Variants in TNN observed in about 807,000 individuals in gnomAD.
The protein encoded by TNN is tenascin-N.
TNN carries 122 observed loss-of-function variants against 134.4 expected under a neutral mutation model. The observed-to-expected ratio is 0.91, with a 90% CI of 0.78 to 1.06. The LOEUF (loss-of-function observed/expected upper bound fraction) is 1.06, where lower values mean the gene tolerates loss of function less well. Ranked by LOEUF, TNN falls within the 50% of genes least tolerant of loss-of-function variation. TNN has a pLI of 0.00. For missense variants in TNN, 1,739 were observed against 1,699.4 expected (o/e 1.02, Z -0.41); for synonymous variants, 710 against 670.3 (o/e 1.06, Z -0.91).
Position 175,127,025 on chromosome 1 carries a change from C to G in TNN, c.2985C>G (p.Pro995=), listed in dbSNP as rs768741226. 4.3e-6 allele frequency: 7 copies of G among 1,614,158 alleles called. No individual in the cohort carries two copies. The highest frequency in any genetic ancestry group is 5.9e-6 in the Non-Finnish European group (7 of 1,180,014). Residue 995 remains proline (P), a synonymous_variant, in exon 13 of 19, where the codon CCC becomes CCG. Coordinates refer to ENST00000239462, the MANE Select transcript of TNN (RefSeq NM_022093.2). The part of the protein sequence containing the change: ...TQSGGILTWT[P]PSAQIHGYIL... ...CTGGTGGCATATTGACCTGGACGCCCCCCTCTGCTCAGATCCACGGCTACA... is the reference window on the plus strand; with the variant it reads ...CTGGTGGCATATTGACCTGGACGCCGCCCTCTGCTCAGATCCACGGCTACA...
At chr1:175,137,535 C>A (rs76694999) in intron 17 of TNN, among the ~76,000 whole-genome samples, 2,213 of 152,262 alleles carry the variant, frequency 0.015, 40 homozygotes, top group African/African-American at 0.039. Context: ...GTGAAGGAAC[C>A]TTTAGCCTCT....
rs141386115 is a variant in TNN, at chr1:175,128,163, A to G, written c.3177A>G (p.Thr1059=). 3.0e-3 allele frequency: 4,785 copies of G among 1,600,124 alleles called. 11 individuals carry two copies. Among genetic ancestry groups the G allele is most frequent in the Non-Finnish European group, 3.5e-3 (4,140 of 1,173,538 alleles). Residue 1059 remains threonine (T), a splice_region_variant and synonymous_variant, in exon 14 of 19, where the codon ACA becomes ACG. Transcript: ENST00000239462. The stretch of plus-strand genomic sequence containing the variant: ...GAAATGTATCCACCACCCTCTCCAC[A>G]GGTAATATGGAATCCTGTACTCTGA... ...RSRNVSTTLS[T]VGARFPHPSD...
At chr1:175,091,743 C>G (rs1425373164) in intron 6 of TNN, among the ~76,000 whole-genome samples, 3 of 152,060 alleles carry the variant, frequency 2.0e-5, no homozygotes, top group Non-Finnish European at 4.4e-5. Context: ...CATGTACCAC[C>G]CTGCCCGGCT....
chr1:175,125,579 C>T (rs988573040), intron 12 of TNN, among the ~76,000 whole-genome samples: 23 of 149,312 alleles, frequency 1.5e-4, no homozygotes, highest in African/African-American at 5.4e-4. Flanking sequence ...TTCCTTCTCT[C>T]TCTCTCCCTC....
intron 1 of TNN, among the ~76,000 whole-genome samples, chr1:175,069,613 C>T (rs574932674): frequency 6.6e-6 from 1 of 152,302 alleles, no homozygotes; most frequent in East Asian, 1.9e-4. Flanking sequence ...ATTCCAGAGC[C>T]TTGGCTCCTA....
chr1:175,137,645 G>A (rs1010939462), intron 17 of TNN, among the ~76,000 whole-genome samples: 22 of 152,150 alleles, frequency 1.4e-4, no homozygotes, highest in African/African-American at 5.1e-4. Context: ...AATGATACCA[G>A]TAAATTAAAT....
rs575803700 is a variant in TNN at position 175,101,305 on chromosome 1, C to T, written c.2119+2710C>T. ...GAGTGTTACAGCTCTTAAGGCAGCGCGTCTGGAGTTGTTGGTTCCTCCCGG... is the reference window on the plus strand; with the variant it reads ...GAGTGTTACAGCTCTTAAGGCAGCGTGTCTGGAGTTGTTGGTTCCTCCCGG... On this transcript the variant is annotated intron_variant, in intron 9 of 18. Coordinates refer to ENST00000239462, the MANE Select transcript of TNN (RefSeq NM_022093.2). Among the ~76,000 whole-genome samples, 21 of 151,882 alleles carry T rather than the reference C, an allele frequency of 1.4e-4. No homozygotes were observed. In the East Asian group the frequency reaches 3.3e-3, roughly 24 times the overall value.
chr1:175,139,865 A>G (rs2101853405), intron 17 of TNN, among the ~76,000 whole-genome samples: 1 of 152,334 alleles, frequency 6.6e-6, no homozygotes, highest in African/African-American at 2.4e-5. Flanking sequence ...GTTTATTGTG[A>G]TCTTATGAGA....
intron 3 of TNN, among the ~76,000 whole-genome samples, chr1:175,079,931 A>G (rs903165623): frequency 2.0e-5 from 3 of 151,604 alleles, no homozygotes; most frequent in Non-Finnish European, 4.4e-5. Flanking sequence ...CCTAACCTTG[A>G]GGACCACTGG....
rs200671106 is a variant in TNN, at chr1:175,098,412, G to C, written c.1936G>C (p.Ala646Pro). The part of the protein sequence containing the change: ...ATVSWDPVQA[A>P]IDKYVVRYTS... ...GGTCTCCTGGGACCCGGTGCAGGCC[G>C]CCATTGACAAGTACGTGGTGCGCTA... Residue 646 changes from alanine (A) to proline (P), a missense_variant, in exon 9 of 19, where the codon GCC becomes CCC. Coordinates refer to ENST00000239462, the MANE Select transcript of TNN (RefSeq NM_022093.2). 1 of 1,614,122 alleles carries C rather than the reference G, an allele frequency of 6.2e-7. No homozygotes were observed. Among genetic ancestry groups the C allele is most frequent in the East Asian group, 2.2e-5 (1 of 44,886 alleles).
chr1:175,108,489 T>TG (rs1380228376), intron 9 of TNN, among the ~76,000 whole-genome samples: 1 of 152,230 alleles, frequency 6.6e-6, no homozygotes, highest in Non-Finnish European at 1.5e-5. Context: ...TCGATGGGAC[T>TG]GGGCGCCGTG....
chr1:175,091,732 G>T (rs1674452792), intron 6 of TNN, among the ~76,000 whole-genome samples: 1 of 151,942 alleles, frequency 6.6e-6, no homozygotes, highest in Non-Finnish European at 1.5e-5. Flanking sequence ...GGGATTACAG[G>T]CATGTACCAC....
chr1:175,081,424 G>A (rs900737779), intron 4 of TNN, among the ~76,000 whole-genome samples: 1 of 152,104 alleles, frequency 6.6e-6, no homozygotes, highest in Non-Finnish European at 1.5e-5. Context: ...CACTGTTCTC[G>A]GTGCTAAAAA....
chr1:175,143,995 C>T (rs1249156805), intron 17 of TNN, among the ~76,000 whole-genome samples: 3 of 151,820 alleles, frequency 2.0e-5, no homozygotes, highest in African/African-American at 7.3e-5. Context: ...AAACATGGCT[C>T]CAGGTTCCAG....
rs141316053 is a variant in TNN, at chr1:175,079,644, G to T, written c.721G>T (p.Gly241Cys). 32 of 1,608,558 alleles carry T rather than the reference G, an allele frequency of 2.0e-5. No homozygotes were observed. The highest frequency in any genetic ancestry group is 2.5e-5 in the Non-Finnish European group (30 of 1,178,594). ...KRCPGDCSGHGFCDTGECYCE... is the reference protein window; with the variant it reads ...KRCPGDCSGHCFCDTGECYCE... Reference sequence around the variant, plus strand: ...CTGTCCCGGCGACTGCAGCGGCCACGGCTTCTGTGACACGGGCGAGTGCTA... The same window carrying T: ...CTGTCCCGGCGACTGCAGCGGCCACTGCTTCTGTGACACGGGCGAGTGCTA... Residue 241 changes from glycine to cysteine, a missense_variant, in exon 3 of 19, where the codon GGC becomes TGC. Physicochemically the swap from Gly to Cys is radical, Grantham distance 159. Transcript: ENST00000239462.
chr1:175,076,585 G>A (rs1012861020), intron 1 of TNN, among the ~76,000 whole-genome samples: 1 of 152,218 alleles, frequency 6.6e-6, no homozygotes. Context: ...TTGTGGAGCA[G>A]GTAATTTTAT....
chr1:175,082,412 AGTCCT>A (rs1218476979), intron 4 of TNN, among the ~76,000 whole-genome samples: 1 of 152,168 alleles, frequency 6.6e-6, no homozygotes, highest in Admixed American at 6.5e-5. Flanking sequence ...ATTCTCATTA[AGTCCT>A]TGCTTTTTCA....
intron 6 of TNN, among the ~76,000 whole-genome samples, chr1:175,093,654 C>T (rs1466512281): frequency 1.3e-5 from 2 of 152,110 alleles, no homozygotes; most frequent in East Asian, 3.9e-4. Flanking sequence ...TGAATACTTG[C>T]TGGTTGGTCT....
intron 15 of TNN, among the ~76,000 whole-genome samples, chr1:175,135,037 C>A (rs1454838984): frequency 6.6e-6 from 1 of 152,130 alleles, no homozygotes; most frequent in African/African-American, 2.4e-5. Flanking sequence ...CCTTCCTCAG[C>A]CCCCAGAAGC....
Sources: allele counts gnomAD v4.1 joint callset (sites outside exome capture counted in the v4.1 genomes callset), GRCh38; gene constraint gnomAD v4.1.1; transcripts MANE v1.5; gene names NCBI Gene and HGNC (gene_info 2026-07-23, HGNC 2026-07-21).